The following MAPK10 variants were observed in gnomAD, a reference collection of about 807,000 sequenced individuals.
MAPK10 encodes mitogen-activated protein kinase 10, also known as JNK3 alpha protein kinase.
In MAPK10, 25 loss-of-function variants were observed where a neutral mutation model predicts 59.3. That is an observed-to-expected ratio of 0.42 (90% CI 0.31 to 0.59). MAPK10 has a LOEUF of 0.59. MAPK10 is among the 20% of genes least tolerant of loss of function. MAPK10 has a pLI of 0.15. For missense variants in MAPK10, 351 were observed against 568.9 expected (o/e 0.62, Z 3.90); for synonymous variants, 190 against 200.5 (o/e 0.95, Z 0.44).
In MAPK10 at chr4:86,464,398, T is replaced by C. The variant is rs530078361; in HGVS notation, c.-262-109754A>G. Among the ~76,000 whole-genome samples, 200 of 152,382 alleles carry C rather than the reference T, an allele frequency of 1.3e-3. 1 individual carries two copies. Among genetic ancestry groups the C allele is most frequent in the African/African-American group, 4.6e-3 (193 of 41,590 alleles). ...TATTCACTGCTTTTGATATGCCTAT[T>C]AATGTGATTTCTGATTCTTCACACG... On this transcript the variant is annotated intron_variant, in intron 1 of 4. Transcript: ENST00000502302.
intron 4 of MAPK10, among the ~76,000 whole-genome samples, chr4:86,140,238 G>T (rs1203293017): frequency 2.2e-5 from 3 of 139,380 alleles, no homozygotes; most frequent in Admixed American, 7.1e-5. Flanking sequence ...GCACACGTAT[G>T]TTTATTGCGG....
chr4:86,112,726 G>GAT (rs1561851318), intron 4 of MAPK10, among the ~76,000 whole-genome samples: 2 of 152,012 alleles, frequency 1.3e-5, no homozygotes, highest in Non-Finnish European at 2.9e-5. Flanking sequence ...ATATCTATCA[G>GAT]GTCCACTTGA....
chr4:86,157,936 T>G (rs1269421273), intron 4 of MAPK10, among the ~76,000 whole-genome samples: 1 of 151,896 alleles, frequency 6.6e-6, no homozygotes, highest in African/African-American at 2.4e-5. Flanking sequence ...CCAATTAATA[T>G]TTGAGCACCT....
At chr4:86,034,352 G>A (rs2039733836) in intron 11 of MAPK10, among the ~76,000 whole-genome samples, 1 of 151,986 alleles carries the variant, frequency 6.6e-6, no homozygotes, top group African/African-American at 2.4e-5. Context: ...AACTTAAAAT[G>A]GATTAGACAC....
At chr4:86,127,612 C>T (rs966148996) in intron 4 of MAPK10, 6 of 152,010 alleles carry the variant, frequency 3.9e-5, no homozygotes, top group African/African-American at 7.2e-5. Flanking sequence ...CATGTTTCTC[C>T]TGTGGCTTTG....
At chr4:86,134,924 G>T (rs10006261) in intron 4 of MAPK10, among the ~76,000 whole-genome samples, 27,007 of 152,026 alleles carry the variant, frequency 0.18, 2,499 homozygotes, top group African/African-American at 0.21. Context: ...AAGGGGTGAC[G>T]GATGGCACCT....
intron 2 of MAPK10, among the ~76,000 whole-genome samples, chr4:86,247,365 T>C (rs1010021735): frequency 9.2e-5 from 14 of 152,204 alleles, no homozygotes; most frequent in African/African-American, 3.4e-4. Context: ...CTAACTCATG[T>C]TTTCTCCCTG....
chr4:86,228,580 A>T (rs1280839583), intron 2 of MAPK10, among the ~76,000 whole-genome samples: 2 of 152,224 alleles, frequency 1.3e-5, no homozygotes, highest in African/African-American at 4.8e-5. Context: ...TAGACTGGGA[A>T]ATTGCCACTC....
At chr4:86,020,600 C>T (rs898741376) in intron 13 of MAPK10, 39 of 159,904 alleles carry the variant, frequency 2.4e-4, no homozygotes, top group Non-Finnish European at 4.9e-4. Context: ...CTTAAGGTGG[C>T]GCGTCTGGAG....
intron 2 of MAPK10, among the ~76,000 whole-genome samples, chr4:86,315,771 T>C (rs1472213432): frequency 2.0e-5 from 3 of 152,160 alleles, no homozygotes; most frequent in Non-Finnish European, 4.4e-5. Context: ...AGTAATACAT[T>C]TTTAATGCTG....
intron 1 of MAPK10, among the ~76,000 whole-genome samples, chr4:86,430,987 AG>A (rs2149040738): frequency 6.6e-6 from 1 of 152,308 alleles, no homozygotes; most frequent in South Asian, 2.1e-4. Context: ...CAGGAATAAA[AG>A]CCAGGCTATT....
chr4:86,288,929 A>T (rs1238455248), intron 2 of MAPK10, among the ~76,000 whole-genome samples: 1 of 71,178 alleles, frequency 1.4e-5, no homozygotes, highest in Non-Finnish European at 2.6e-5. Context: ...AAATAAAAGT[A>T]AAAAAAAAAA....
intron 2 of MAPK10, among the ~76,000 whole-genome samples, chr4:86,349,139 T>C (rs953157524): frequency 1.3e-5 from 2 of 152,218 alleles, no homozygotes; most frequent in Non-Finnish European, 2.9e-5. Context: ...TGCTGTTAAA[T>C]GAGCAATTAA....
chr4:86,149,311 G>C (rs2065811101), intron 4 of MAPK10, among the ~76,000 whole-genome samples: 1 of 151,924 alleles, frequency 6.6e-6, no homozygotes, highest in Non-Finnish European at 1.5e-5. Flanking sequence ...CTTCCACCCA[G>C]GCTGGAGTGA....
At chr4:86,450,654 C>T (rs536357854) in intron 1 of MAPK10, among the ~76,000 whole-genome samples, 35 of 152,242 alleles carry the variant, frequency 2.3e-4, no homozygotes, top group South Asian at 4.2e-4. Context: ...ATAGTTATAA[C>T]TATAACAACA....
intron 2 of MAPK10, among the ~76,000 whole-genome samples, chr4:86,227,500 A>G (rs1232377623): frequency 1.3e-5 from 2 of 149,676 alleles, no homozygotes; most frequent in East Asian, 1.9e-4. Context: ...AAAAAAAAAA[A>G]GAAAGAAAAG....
intron 1 of MAPK10, chr4:86,593,682 G>A (rs1335853782): frequency 6.6e-6 from 1 of 152,206 alleles, no homozygotes; most frequent in African/African-American, 2.4e-5. Flanking sequence ...ATTTGGCGTT[G>A]TGCTGTCACC....
intron 8 of MAPK10, chr4:86,099,812 G>T (rs1003738390): frequency 6.6e-6 from 1 of 151,988 alleles, no homozygotes; most frequent in Non-Finnish European, 1.5e-5. Flanking sequence ...AAAATAACTC[G>T]TGAAGAAAGT....
chr4:86,398,747 C>T (rs1743301763), intron 1 of MAPK10, among the ~76,000 whole-genome samples: 3 of 152,286 alleles, frequency 2.0e-5, no homozygotes, highest in African/African-American at 7.2e-5. Context: ...TTTTACAACC[C>T]TTGCGTCCCT....
Sources: allele counts gnomAD v4.1 joint callset (sites outside exome capture counted in the v4.1 genomes callset), GRCh38; gene constraint gnomAD v4.1.1; transcripts MANE v1.5; gene names NCBI Gene and HGNC (gene_info 2026-07-23, HGNC 2026-07-21).